Variants in LIMK1 observed in about 807,000 individuals in gnomAD.
LIMK1 encodes LIM domain kinase 1, also known as LIM motif-containing protein kinase.
LIMK1 carries 21 observed loss-of-function variants against 77.6 expected under a neutral mutation model. That is an observed-to-expected ratio of 0.27 (90% CI 0.19 to 0.39). The LOEUF (loss-of-function observed/expected upper bound fraction) is 0.39. Ranked by LOEUF, LIMK1 falls within the 10% of genes least tolerant of loss-of-function variation. LIMK1 has a pLI of 1.00. For missense variants in LIMK1, 696 were observed against 901.6 expected (o/e 0.77, Z 2.92); for synonymous variants, 358 against 370.0 (o/e 0.97, Z 0.37).
chr7:74,103,630 C>T lies in LIMK1; in HGVS notation c.609-2245C>T, dbSNP rs186878213. ...GATTTGAGTCTGTAAATATCCTGTTCCCAAAAACCCTTCCCCAAATGATTT... is the reference window on the plus strand; with the variant it reads ...GATTTGAGTCTGTAAATATCCTGTTTCCAAAAACCCTTCCCCAAATGATTT... On this transcript the variant is annotated intron_variant, in intron 5 of 15. Transcript: ENST00000336180. 8.7e-4 allele frequency among the ~76,000 whole-genome samples: 133 copies of T among 152,246 alleles called. 1 individual carries two copies. Among genetic ancestry groups the T allele is most frequent in the East Asian group, 3.9e-3 (20 of 5,186 alleles).
At chr7:74,100,217 A>G (rs931802778) in intron 5 of LIMK1, among the ~76,000 whole-genome samples, 5 of 152,124 alleles carry the variant, frequency 3.3e-5, no homozygotes, top group African/African-American at 1.2e-4. Context: ...AGGCTGGGCA[A>G]TGGAGCAAAA....
At chr7:74,101,029 G>T (rs782105682) in intron 5 of LIMK1, among the ~76,000 whole-genome samples, 4 of 147,058 alleles carry the variant, frequency 2.7e-5, no homozygotes, top group Admixed American at 6.6e-5. Flanking sequence ...GAGCCACCAC[G>T]CCCGGCCCTA....
rs201628809 is a variant in LIMK1, at chr7:74,096,612, T to A, written c.153-10T>A. 2 of 1,613,938 alleles carry A rather than the reference T, an allele frequency of 1.2e-6. No homozygotes were observed. The highest frequency in any genetic ancestry group is 1.7e-5 in the Admixed American group (1 of 60,018). On this transcript the variant is annotated splice_polypyrimidine_tract_variant and intron_variant, in intron 2 of 15. Coordinates refer to ENST00000336180, the MANE Select transcript of LIMK1 (RefSeq NM_002314.4). ...GGAGTGGACGTCTCAGCCCGGCCCC[T>A]CTCCTGCAGGTGTTGTGACTGCAGT... is the stretch of plus-strand genomic sequence containing the variant.
Position 74,102,484 on chromosome 7 carries a change from C to CTTTTTTTTTTTTTTTTT in LIMK1, c.608+3248_608+3264dup. On this transcript the variant is annotated intron_variant, in intron 5 of 15. Coordinates refer to ENST00000336180, the MANE Select transcript of LIMK1 (RefSeq NM_002314.4). The stretch of plus-strand genomic sequence containing the variant: ...GATATTCTCAAAAGAAGGACCTTCT[C>CTTTTTTTTTTTTTTTTT]TTTTTTTTTTTTTTTTTTGGAGACA... Among the ~76,000 whole-genome samples the CTTTTTTTTTTTTTTTTT allele has an allele frequency of 7.4e-4, 40 of 54,056 alleles. 8 individuals carry two copies. The highest frequency in any genetic ancestry group is 1.6e-3 in the East Asian group (2 of 1,262). The allele number at this position is 54,056 out of a possible 152,430, so 35.5% of individuals were successfully genotyped here.
At chr7:74,089,429 G>A (rs1799196545) in intron 2 of LIMK1, among the ~76,000 whole-genome samples, 2 of 152,130 alleles carry the variant, frequency 1.3e-5, no homozygotes, top group South Asian at 4.1e-4. Flanking sequence ...TTGAGCCTGG[G>A]AGGTGGAGGT....
At chr7:74,091,234 G>A (rs782232731) in intron 2 of LIMK1, among the ~76,000 whole-genome samples, 1 of 151,112 alleles carries the variant, frequency 6.6e-6, no homozygotes, top group Non-Finnish European at 1.5e-5. Flanking sequence ...ATATTAAAGC[G>A]ATTTTAAGGC....
chr7:74,099,642 A>G (rs923848361), intron 5 of LIMK1, among the ~76,000 whole-genome samples: 5 of 152,090 alleles, frequency 3.3e-5, no homozygotes, highest in African/African-American at 1.2e-4. Flanking sequence ...AGGCAGGAGA[A>G]TCACTTGAAC....
At chr7:74,099,906 G>A (rs138606989) in intron 5 of LIMK1, among the ~76,000 whole-genome samples, 184 of 151,684 alleles carry the variant, frequency 1.2e-3, no homozygotes, top group African/African-American at 3.9e-3. Context: ...GATCACTTAA[G>A]GCCAGAAGTT....
intron 12 of LIMK1, among the ~76,000 whole-genome samples, chr7:74,113,887 T>G (rs1403720676): frequency 6.6e-6 from 1 of 151,340 alleles, no homozygotes; most frequent in Admixed American, 6.6e-5. Context: ...GTCCAGGAGG[T>G]AAATGTTACA....
intron 7 of LIMK1, among the ~76,000 whole-genome samples, chr7:74,106,479 G>A (rs1799576943): frequency 6.6e-6 from 1 of 152,200 alleles, no homozygotes; most frequent in Non-Finnish European, 1.5e-5. Flanking sequence ...CCGGGGACGG[G>A]GCCAGGCGTG....
At chr7:74,100,897 G>A (rs1229775104) in intron 5 of LIMK1, among the ~76,000 whole-genome samples, 2 of 151,512 alleles carry the variant, frequency 1.3e-5, no homozygotes, top group African/African-American at 2.4e-5. Flanking sequence ...CACCATGCCC[G>A]GCTAATTTTT....
Position 74,115,957 on chromosome 7 carries a change from C to G in LIMK1, c.1566C>G (p.Asn522Lys). 6.2e-7 allele frequency: 1 copy of G among 1,613,584 alleles called. No individual in the cohort carries two copies. Among genetic ancestry groups the G allele is most frequent in the Non-Finnish European group, 8.5e-7 (1 of 1,179,584 alleles). ...NPYWMAPEMI[N>K]GRSYDEKVDV... ...ACTGGATGGCACCTGAGATGATCAACGGTGAGTGGTTCAGCCCTGCCCATC... is the reference window on the plus strand; with the variant it reads ...ACTGGATGGCACCTGAGATGATCAAGGGTGAGTGGTTCAGCCCTGCCCATC... The change falls in exon 13 of 16, where the codon AAC becomes AAG. Residue 522 changes from asparagine to lysine, a missense_variant and splice_region_variant. Transcript: ENST00000336180.
At chr7:74,093,296 CTAAG>C (rs1177854664) in intron 2 of LIMK1, 3 of 1,535,992 alleles carry the variant, frequency 2.0e-6, no homozygotes, top group Non-Finnish European at 2.6e-6. Flanking sequence ...CTCCAGAGGG[CTAAG>C]TAAGTGGGAA....
chr7:74,095,890 A>G (rs935978176), intron 2 of LIMK1, among the ~76,000 whole-genome samples: 1 of 151,838 alleles, frequency 6.6e-6, no homozygotes, highest in Non-Finnish European at 1.5e-5. Flanking sequence ...CCTCCTTGGT[A>G]GCCTCTAGTG....
At chr7:74,103,797 G>C (rs1799514813) in intron 5 of LIMK1, among the ~76,000 whole-genome samples, 1 of 151,740 alleles carries the variant, frequency 6.6e-6, no homozygotes, top group Non-Finnish European at 1.5e-5. Context: ...CTTTTTGTTT[G>C]CTTGGTTGTT....
intron 5 of LIMK1, among the ~76,000 whole-genome samples, chr7:74,105,155 T>C (rs1554697139): frequency 6.6e-6 from 1 of 152,022 alleles, no homozygotes; most frequent in Non-Finnish European, 1.5e-5. Context: ...CGTTTCACCA[T>C]GTTGGCCAGG....
chr7:74,108,946 G>A lies in LIMK1; in HGVS notation c.1194G>A (p.Lys398=). 1 of 1,614,108 alleles carries A rather than the reference G, an allele frequency of 6.2e-7. No homozygotes were observed. Among genetic ancestry groups the A allele is most frequent in the Non-Finnish European group, 8.5e-7 (1 of 1,180,006 alleles). Residue 398 remains lysine, a synonymous_variant, in exon 10 of 16, where the codon AAG becomes AAA. Coordinates refer to ENST00000336180, the MANE Select transcript of LIMK1 (RefSeq NM_002314.4). Reference sequence around the variant, plus strand: ...GCCTGGAACACCCCAACGTGCTCAAGTTCATCGGGGTGCTCTACAAGGACA... The same window carrying A: ...GCCTGGAACACCCCAACGTGCTCAAATTCATCGGGGTGCTCTACAAGGACA... ...MRCLEHPNVL[K]FIGVLYKDKR...
chr7:74,084,112 A>AG, intron 1 of LIMK1, 67 bp downstream of exon 1: 1 of 891,028 alleles, frequency 1.1e-6, no homozygotes, highest in Non-Finnish European at 1.6e-6. Flanking sequence ...GGGGCACGGG[A>AG]GGGGGCCGGG....
At position 74,096,821 on chromosome 7, in the gene LIMK1, T is replaced by C. The variant is rs1799345882; in HGVS notation, c.291+61T>C. 5 of 1,519,118 alleles carry C rather than the reference T, an allele frequency of 3.3e-6. No individual in the cohort carries two copies. In the African/African-American group the frequency reaches 6.9e-5, roughly 21 times the overall value. 94.1% of individuals were successfully genotyped at this position (1,519,118 alleles called of 1,614,324 possible). On this transcript the variant is annotated intron_variant, in intron 3 of 15. Coordinates refer to ENST00000336180, the MANE Select transcript of LIMK1 (RefSeq NM_002314.4). ...GGGGGTATCCAAGCAGACCCCATGC[T>C]CCAGGTCTCTCTCCCATCATTGTCT...
Sources: gnomAD v4.1 joint callset for allele counts (sites outside exome capture counted in the v4.1 genomes callset) on GRCh38, gnomAD v4.1.1 for gene constraint, MANE v1.5 for transcripts, NCBI Gene and HGNC (gene_info 2026-07-23, HGNC 2026-07-21) for gene names.